IQSEC1: variants seen among roughly 807,000 people sequenced by gnomAD.
The protein encoded by IQSEC1 is IQ motif and SEC7 domain-containing protein 1.
Under a neutral mutation model 91.0 loss-of-function variants are expected in IQSEC1, and 31 were observed. The observed-to-expected ratio is 0.34, with a 90% CI of 0.26 to 0.46. The LOEUF (loss-of-function observed/expected upper bound fraction) is 0.46. Ranked by LOEUF, IQSEC1 falls within the 20% of genes least tolerant of loss-of-function variation. The pLI is 1.00. For missense variants in IQSEC1, 1,388 were observed against 1,575.6 expected, an observed-to-expected ratio of 0.88 and a Z score of 2.02; for synonymous variants, 699 against 662.6, an observed-to-expected ratio of 1.05 and a Z score of -0.84.
chr3:12,905,455 C>T (rs1362653238), intron 12 of IQSEC1, among the ~76,000 whole-genome samples: 1 of 152,258 alleles, frequency 6.6e-6, no homozygotes, highest in Admixed American at 6.5e-5. Flanking sequence ...GCTGCCTGAG[C>T]CAGGCATGCC....
intron 1 of IQSEC1, among the ~76,000 whole-genome samples, chr3:13,239,948 T>C (rs1048581718): frequency 1.3e-5 from 2 of 152,196 alleles, no homozygotes; most frequent in African/African-American, 4.8e-5. Flanking sequence ...CTGAAACAGA[T>C]GATGGTGACG....
chr3:13,181,723 C>T (rs956984883), intron 1 of IQSEC1, among the ~76,000 whole-genome samples: 4 of 152,364 alleles, frequency 2.6e-5, no homozygotes, highest in African/African-American at 9.6e-5. Context: ...CCCAAATACC[C>T]AGCACCTAGC....
chr3:13,014,882 A>AG (rs1703047501), intron 1 of IQSEC1, among the ~76,000 whole-genome samples: 1 of 152,146 alleles, frequency 6.6e-6, no homozygotes, highest in Non-Finnish European at 1.5e-5. Flanking sequence ...CAGTGGGTCA[A>AG]GGGGCTCCTG....
intron 1 of IQSEC1, among the ~76,000 whole-genome samples, chr3:12,989,486 C>A (rs1701891400): frequency 6.6e-6 from 1 of 152,174 alleles, no homozygotes; most frequent in African/African-American, 2.4e-5. Flanking sequence ...GAGGAGAAAA[C>A]AGGGAGGCCT....
In IQSEC1 at chr3:12,924,919, C is replaced by T. The variant is rs938631011; in HGVS notation, c.1569-177G>A. ...TCCATCTCCAGCCTGGGTGGGAACTCAAGAACCCAGGCTGGCACTGGAAGA... is the reference window on the plus strand; with the variant it reads ...TCCATCTCCAGCCTGGGTGGGAACTTAAGAACCCAGGCTGGCACTGGAAGA... On this transcript the variant is annotated intron_variant, in intron 3 of 13. Transcript: ENST00000613206. The surrounding 1 kb of genome is among the most constrained non-coding windows in gnomAD (Gnocchi z 6.3). Among the ~76,000 whole-genome samples the T allele has an allele frequency of 6.6e-6, 1 of 152,194 alleles. No homozygotes were observed. Among genetic ancestry groups the T allele is most frequent in the Non-Finnish European group, 1.5e-5 (1 of 68,022 alleles).
Position 12,909,710 on chromosome 3 carries a change from G to A in IQSEC1, c.2417-276C>T, listed in dbSNP as rs960761224. Among the ~76,000 whole-genome samples the A allele has an allele frequency of 2.0e-4, 31 of 152,250 alleles. No homozygotes were observed. The highest frequency in any genetic ancestry group is 7.5e-4 in the African/African-American group (31 of 41,464). ...GGGCCGCGTCCTGGAGGAGGACAGA[G>A]GTTGCGTCCTGAGAAAGGTGGGAGT... On this transcript the variant is annotated intron_variant, in intron 10 of 13. Coordinates refer to ENST00000613206, the MANE Select transcript of IQSEC1 (RefSeq NM_001134382.3). This position sits in a 1 kb window ranked among gnomAD's most constrained non-coding sequence, Gnocchi z 4.9.
intron 13 of IQSEC1, 76 bp downstream of exon 13, chr3:12,902,697 A>G: frequency 1.7e-6 from 1 of 588,038 alleles, no homozygotes. Context: ...AAAAAAAACC[A>G]GGACAACAGA....
chr3:13,005,091 A>G (rs1034447023), intron 1 of IQSEC1, among the ~76,000 whole-genome samples: 2 of 152,216 alleles, frequency 1.3e-5, no homozygotes, highest in Admixed American at 1.3e-4. Context: ...TTATCTAAAA[A>G]TTGGTTCTTA....
rs970931106 is a variant in IQSEC1 at position 12,900,181 on chromosome 3, C to T, written c.*802G>A. On this transcript the variant is annotated 3_prime_UTR_variant, in exon 14 of 14. Transcript: ENST00000613206. ...TAATAAAATAAGGATTTATACAAAG[C>T]AATACTGGACTTTTTAAACAGTTAG... The T allele has an allele frequency of 1.3e-5, 13 of 972,846 alleles. No homozygotes were observed. The highest frequency in any genetic ancestry group is 1.6e-5 in the Non-Finnish European group (13 of 818,596). The allele number at this position is 972,846 out of a possible 1,614,324, so 60.3% of individuals were successfully genotyped here.
At chr3:13,222,366 C>G (rs1694678213) in intron 1 of IQSEC1, among the ~76,000 whole-genome samples, 1 of 152,230 alleles carries the variant, frequency 6.6e-6, no homozygotes, top group Non-Finnish European at 1.5e-5. Flanking sequence ...CCACGTTCAT[C>G]TGTCACGGAC....
chr3:13,155,989 C>T (rs141983373), intron 2 of IQSEC1, among the ~76,000 whole-genome samples: 37 of 151,116 alleles, frequency 2.4e-4, no homozygotes, highest in African/African-American at 7.3e-4. Context: ...GAGGCCAATG[C>T]GGGTGGATTA....
At chr3:13,190,554 T>TCAAAAAAAAAAAAAA (rs1694004437) in intron 1 of IQSEC1, among the ~76,000 whole-genome samples, 4 of 45,958 alleles carry the variant, frequency 8.7e-5, no homozygotes, top group African/African-American at 3.1e-4. Context: ...AGACCCTGTC[T>TCAAAAAAAAAAAAAA]CAAAAAAAAA....
chr3:13,142,202 G>C (rs543857529), intron 2 of IQSEC1, among the ~76,000 whole-genome samples: 1 of 152,348 alleles, frequency 6.6e-6, no homozygotes, highest in South Asian at 2.1e-4. Flanking sequence ...GCTACAGTAT[G>C]TCAGAGCGCA....
intron 1 of IQSEC1, among the ~76,000 whole-genome samples, chr3:13,222,430 G>T (rs117423518): frequency 0.032 from 4,920 of 152,190 alleles, 147 homozygotes; most frequent in East Asian, 0.13. Context: ...GTGAACATGG[G>T]TGTGCACACA....
intron 1 of IQSEC1, among the ~76,000 whole-genome samples, chr3:13,012,178 C>T (rs116258895): frequency 0.011 from 1,607 of 152,312 alleles, 14 homozygotes; most frequent in South Asian, 0.022. Flanking sequence ...CCTGCACCCC[C>T]GGCATGGCCC....
intron 1 of IQSEC1, among the ~76,000 whole-genome samples, chr3:13,195,632 A>G (rs1213374400): frequency 6.6e-6 from 1 of 152,236 alleles, no homozygotes; most frequent in African/African-American, 2.4e-5. Context: ...AAGGTTACAC[A>G]CTGCATGATT....
chr3:12,958,642 T>A (rs141876475), intron 1 of IQSEC1, among the ~76,000 whole-genome samples: 2 of 152,180 alleles, frequency 1.3e-5, no homozygotes, highest in Non-Finnish European at 2.9e-5. Flanking sequence ...TGAAGGAACA[T>A]AGACCATCTG....
chr3:13,206,823 G>A (rs893066381), intron 1 of IQSEC1, among the ~76,000 whole-genome samples: 16 of 152,032 alleles, frequency 1.1e-4, no homozygotes, highest in Admixed American at 5.9e-4. Context: ...ATAAATAAAC[G>A]GGGCCAGGCA....
chr3:13,216,096 T>C (rs1038265562), intron 1 of IQSEC1, among the ~76,000 whole-genome samples: 6 of 152,232 alleles, frequency 3.9e-5, no homozygotes, highest in African/African-American at 1.2e-4. Context: ...CAACACCTAT[T>C]GGAAATGCCT....
Sources: gnomAD v4.1 joint callset for allele counts (sites outside exome capture counted in the v4.1 genomes callset) on GRCh38, gnomAD v4.1.1 for gene constraint, Gnocchi (gnomAD v3.1) non-coding constraint, MANE v1.5 for transcripts, NCBI Gene and HGNC (gene_info 2026-07-23, HGNC 2026-07-21) for gene names.